Variants in RANBP2 observed in about 807,000 individuals in gnomAD.
The protein encoded by RANBP2 is RAN binding protein 2.
Under a neutral mutation model 303.6 loss-of-function variants are expected in RANBP2, and 57 were observed. The ratio of observed to expected loss-of-function variants is 0.19; its 90% CI spans 0.15 to 0.23. The LOEUF is 0.23. Ranked by LOEUF, RANBP2 falls within the 10% of genes least tolerant of loss-of-function variation. The pLI is 1.00. For missense variants in RANBP2, 3,138 were observed against 3,780.8 expected (o/e 0.83, Z 4.46); for synonymous variants, 1,167 against 1,301.5 (o/e 0.90, Z 2.23).
the RANBP2 span, among the ~76,000 whole-genome samples, chr2:109,171,372 A>G: frequency 1.3e-5 from 2 of 152,188 alleles, no homozygotes; most frequent in African/African-American, 2.4e-5. Context: ...AATGATGGCT[A>G]TTTGTTGTTA....
chr2:109,699,479 A>G, the RANBP2 span, among the ~76,000 whole-genome samples: 8,229 of 152,298 alleles, frequency 0.054, 430 homozygotes, highest in East Asian at 0.17. Flanking sequence ...CAGTTAATGC[A>G]TATTTGGTGT....
the RANBP2 span, among the ~76,000 whole-genome samples, chr2:109,469,079 T>A: frequency 6.6e-6 from 1 of 152,070 alleles, no homozygotes; most frequent in Non-Finnish European, 1.5e-5. Flanking sequence ...GAACACAGGC[T>A]GTGCAGGGCC....
At chr2:109,347,294 ACTGCT>A in the RANBP2 span, among the ~76,000 whole-genome samples, 5 of 152,162 alleles carry the variant, frequency 3.3e-5, no homozygotes, top group African/African-American at 1.2e-4. Flanking sequence ...GATTCTACCT[ACTGCT>A]CCTAGGTGTG....
the RANBP2 span, among the ~76,000 whole-genome samples, chr2:109,396,512 G>A: frequency 6.6e-6 from 1 of 152,306 alleles, no homozygotes; most frequent in African/African-American, 2.4e-5. Context: ...GCCCTGTGAT[G>A]GGGCCACCCT....
the RANBP2 span, among the ~76,000 whole-genome samples, chr2:109,260,724 A>T: frequency 6.6e-6 from 1 of 152,294 alleles, no homozygotes; most frequent in African/African-American, 2.4e-5. Flanking sequence ...TTATGGCCTG[A>T]TACTGTCCAT....
chr2:109,585,859 A>C, the RANBP2 span: 1 of 1,586,902 alleles, frequency 6.3e-7, no homozygotes, highest in South Asian at 1.1e-5. Context: ...ATAAAAACAA[A>C]AACAACAGCA....
the RANBP2 span, chr2:109,617,244 A>G: frequency 6.0e-6 from 1 of 166,930 alleles, no homozygotes; most frequent in African/African-American, 2.4e-5. Flanking sequence ...TAGTTACTGA[A>G]AATCTGGGTA....
At chr2:109,026,938 T>C in the RANBP2 span, among the ~76,000 whole-genome samples, 1 of 151,812 alleles carries the variant, frequency 6.6e-6, no homozygotes, top group African/African-American at 2.4e-5. Context: ...TCTCAAAAAA[T>C]AAAAAAGAAC....
At chr2:109,423,273 C>T in the RANBP2 span, among the ~76,000 whole-genome samples, 1 of 152,148 alleles carries the variant, frequency 6.6e-6, no homozygotes, top group African/African-American at 2.4e-5. Context: ...TGCTGAGGTG[C>T]AGACCAGGGT....
the RANBP2 span, among the ~76,000 whole-genome samples, chr2:109,710,583 C>G: frequency 1.3e-5 from 2 of 152,186 alleles, no homozygotes; most frequent in East Asian, 3.9e-4. Context: ...CTCAAGGACA[C>G]CAGAAGCAGT....
the RANBP2 span, among the ~76,000 whole-genome samples, chr2:109,681,138 G>T: frequency 6.6e-6 from 1 of 152,228 alleles, no homozygotes; most frequent in African/African-American, 2.4e-5. Flanking sequence ...GGAATCCCAT[G>T]AACACACGGT....
the RANBP2 span, among the ~76,000 whole-genome samples, chr2:108,998,404 G>A: frequency 1.3e-5 from 2 of 152,162 alleles, no homozygotes; most frequent in Non-Finnish European, 2.9e-5. Flanking sequence ...TTTAAGCTTT[G>A]ATTCTTGTAT....
the RANBP2 span, among the ~76,000 whole-genome samples, chr2:108,970,747 C>T: frequency 6.6e-6 from 1 of 152,154 alleles, no homozygotes; most frequent in African/African-American, 2.4e-5. Flanking sequence ...AGCTATTTTA[C>T]TAGAATTTCC....
chr2:109,674,330 T>C, the RANBP2 span, among the ~76,000 whole-genome samples: 1 of 143,832 alleles, frequency 7.0e-6, no homozygotes, highest in Non-Finnish European at 1.5e-5. Flanking sequence ...TCCCAGGTAC[T>C]TGGGAGGGTG....
chr2:109,317,608 G>T, the RANBP2 span, among the ~76,000 whole-genome samples: 40,529 of 152,072 alleles, frequency 0.27, 6,054 homozygotes, highest in East Asian at 0.65. Context: ...GTCCACCTTG[G>T]TTTCTGTGAC....
the RANBP2 span, among the ~76,000 whole-genome samples, chr2:109,420,468 T>C: frequency 3.9e-5 from 6 of 152,298 alleles, no homozygotes; most frequent in South Asian, 1.0e-3. Context: ...TTTTTTGAGA[T>C]GGAGTCTTGC....
the RANBP2 span, chr2:109,371,554 T>C: frequency 6.3e-7 from 1 of 1,591,654 alleles, no homozygotes. Flanking sequence ...TGTGTCCGTA[T>C]GCTTGTGTCC....
chr2:109,373,010 C>G, the RANBP2 span, among the ~76,000 whole-genome samples: 58 of 152,340 alleles, frequency 3.8e-4, no homozygotes, highest in African/African-American at 1.4e-3. Context: ...AGCCTCATCT[C>G]TCATTTCCTC....
the RANBP2 span, among the ~76,000 whole-genome samples, chr2:109,148,108 A>G: frequency 6.6e-6 from 1 of 152,202 alleles, no homozygotes; most frequent in African/African-American, 2.4e-5. Flanking sequence ...GCCGGGTCCT[A>G]CACAGCCCCC....
Sources: allele counts gnomAD v4.1 joint callset (sites outside exome capture counted in the v4.1 genomes callset), GRCh38; gene constraint gnomAD v4.1.1; transcripts MANE v1.5; gene names NCBI Gene and HGNC (gene_info 2026-07-23, HGNC 2026-07-21).